The following QRSL1 variants were observed in gnomAD, a reference collection of about 807,000 sequenced individuals.
The protein encoded by QRSL1 is glutamyl-tRNA(Gln) amidotransferase subunit A, mitochondrial.
QRSL1 carries 54 observed loss-of-function variants against 61.6 expected under a neutral mutation model. The observed-to-expected ratio is 0.88, with a 90% confidence interval of 0.70 to 1.10. The LOEUF is 1.10. Among genes scored for constraint, QRSL1 ranks in the 50% least tolerant of loss-of-function variants. The probability of loss-of-function intolerance (pLI) is 0.00; values close to 1 mark genes in which losing one functional copy is unlikely to be tolerated. For synonymous variants in QRSL1, 228 were observed against 225.7 expected (o/e 1.01, Z -0.09); for missense variants, 505 against 622.6 (o/e 0.81, Z 2.01).
chr6:106,657,260 C>T (rs1178270109), intron 9 of QRSL1, among the ~76,000 whole-genome samples: 1 of 150,076 alleles, frequency 6.7e-6, no homozygotes, highest in Non-Finnish European at 1.5e-5. Context: ...CAGAGTGAAA[C>T]TCCATCTCAA....
chr6:106,663,594 C>T (rs1777392577), intron 10 of QRSL1, among the ~76,000 whole-genome samples: 2 of 152,284 alleles, frequency 1.3e-5, no homozygotes, highest in South Asian at 4.1e-4. Flanking sequence ...ATAACTCACT[C>T]ACTATCACGA....
intron 3 of QRSL1, chr6:106,642,371 C>T (rs1473702978): frequency 9.9e-6 from 4 of 403,126 alleles, no homozygotes; most frequent in Non-Finnish European, 1.8e-5. Context: ...TTGTTTCTTA[C>T]ATATGATTTA....
intron 3 of QRSL1, chr6:106,642,622 C>T (rs988354011): frequency 3.9e-6 from 3 of 772,898 alleles, no homozygotes; most frequent in Non-Finnish European, 7.0e-6. Context: ...ACAAGTGTTA[C>T]CATGGCAAAA....
At position 106,663,185 on chromosome 6, in the gene QRSL1, G is replaced by A. The variant is rs1228275525; in HGVS notation, c.1366G>A (p.Gly456Arg). 3 of 1,613,108 alleles carry A rather than the reference G, an allele frequency of 1.9e-6. No individual in the cohort carries two copies. The highest frequency in any genetic ancestry group is 2.7e-5 in the African/African-American group (2 of 74,906). ...TTTTACACAAGCTGTAAATATGGCAGGTGAGGATTCCTCAGGAACATTCTG... is the reference window on the plus strand; with the variant it reads ...TTTTACACAAGCTGTAAATATGGCAAGTGAGGATTCCTCAGGAACATTCTG... ...DIFTQAVNMAGLPAVSIPVAL... is the reference protein window; with the variant it reads ...DIFTQAVNMARLPAVSIPVAL... Residue 456 changes from glycine to arginine, a missense_variant and splice_region_variant, in exon 10 of 11, where the codon GGA becomes AGA. By Grantham distance (125) the Gly-to-Arg change is moderately radical. Coordinates refer to ENST00000369046, the MANE Select transcript of QRSL1 (RefSeq NM_018292.5).
intron 4 of QRSL1, among the ~76,000 whole-genome samples, chr6:106,648,174 T>C (rs960560674): frequency 6.6e-6 from 1 of 151,652 alleles, no homozygotes; most frequent in Non-Finnish European, 1.5e-5. Flanking sequence ...CACGCACCTG[T>C]AGTCCCAGCT....
Position 106,654,811 on chromosome 6 carries a change from A to G in QRSL1, c.931A>G (p.Lys311Glu). ...TGACCTCTTTGAGTCTGAGGGGGCCAAAGTAATTGAAGTATCCCTTCCTCA... is the reference window on the plus strand; with the variant it reads ...TGACCTCTTTGAGTCTGAGGGGGCCGAAGTAATTGAAGTATCCCTTCCTCA... ...AADLFESEGA[K>E]VIEVSLPHTS... is the part of the protein sequence containing the mutation. The change falls in exon 8 of 11, where the codon AAA (lysine) becomes GAA (glutamate). Residue 311 changes from lysine (K) to glutamate (E), a missense_variant. Physicochemically the swap from Lys to Glu is moderately conservative, Grantham distance 56. Coordinates refer to ENST00000369046, the MANE Select transcript of QRSL1 (RefSeq NM_018292.5). The G allele has an allele frequency of 6.2e-7, 1 of 1,613,864 alleles. No individual in the cohort carries two copies. Among genetic ancestry groups the G allele is most frequent in the Non-Finnish European group, 8.5e-7 (1 of 1,179,782 alleles).
At position 106,640,376 on chromosome 6, in the gene QRSL1, A is replaced by G. The variant is rs1473991224; in HGVS notation, c.52A>G (p.Ile18Val). ...TTCTGCGGCACTGAAACAAGGCCAAATTACACCAACAGAGCTCTGTCAAAA... is the reference window on the plus strand; with the variant it reads ...TTCTGCGGCACTGAAACAAGGCCAAGTTACACCAACAGAGCTCTGTCAAAA... Reference protein sequence around the residue: ...EVSAALKQGQITPTELCQKCL... With the variant: ...EVSAALKQGQVTPTELCQKCL... The change falls in exon 2 of 11, where the codon ATT becomes GTT. Residue 18 changes from isoleucine to valine, a missense_variant. Ile to Val is a conservative substitution (Grantham distance 29). Transcript: ENST00000369046. 1 of 1,613,584 alleles carries G rather than the reference A, an allele frequency of 6.2e-7. No individual in the cohort carries two copies. Among genetic ancestry groups the G allele is most frequent in the Non-Finnish European group, 8.5e-7 (1 of 1,179,586 alleles).
intron 1 of QRSL1, among the ~76,000 whole-genome samples, chr6:106,633,188 C>T (rs532214595): frequency 6.6e-6 from 1 of 152,282 alleles, no homozygotes; most frequent in East Asian, 1.9e-4. Context: ...TGATTAATGC[C>T]TAGCATGCAA....
chr6:106,653,477 C>T (rs1777216614), intron 7 of QRSL1: 1 of 152,080 alleles, frequency 6.6e-6, no homozygotes, highest in Non-Finnish European at 1.5e-5. Context: ...AAAAGTAACC[C>T]CCAGGTAAGA....
At chr6:106,662,373 G>A (rs570971915) in intron 9 of QRSL1, among the ~76,000 whole-genome samples, 159 of 152,110 alleles carry the variant, frequency 1.0e-3, no homozygotes, top group African/African-American at 3.8e-3. Flanking sequence ...TTCTGAATTC[G>A]GATTGATTAA....
chr6:106,651,493 A>G (rs966667803), intron 5 of QRSL1, among the ~76,000 whole-genome samples: 1 of 152,210 alleles, frequency 6.6e-6, no homozygotes, highest in African/African-American at 2.4e-5. Flanking sequence ...GACAGCATAT[A>G]TCAGAAACTT....
In QRSL1 at chr6:106,640,361, C is replaced by A; in HGVS notation, c.37C>A (p.Leu13Met). 6.2e-7 allele frequency: 1 copy of A among 1,612,576 alleles called. No individual in the cohort carries two copies. The highest frequency in any genetic ancestry group is 8.5e-7 in the Non-Finnish European group (1 of 1,179,218). ...GRSLREVSAA[L>M]KQGQITPTEL... The stretch of plus-strand genomic sequence containing the variant: ...GTATACACTATAGGTTTCTGCGGCA[C>A]TGAAACAAGGCCAAATTACACCAAC... The change falls in exon 2 of 11, where the codon CTG (leucine) becomes ATG (methionine). Residue 13 changes from leucine (L) to methionine (M), a missense_variant. Transcript: ENST00000369046.
intron 9 of QRSL1, among the ~76,000 whole-genome samples, chr6:106,660,620 T>A (rs1182029199): frequency 1.3e-5 from 2 of 151,882 alleles, no homozygotes; most frequent in East Asian, 3.9e-4. Context: ...TTTTTTTTAA[T>A]CCCCTATTCT....
intron 9 of QRSL1, among the ~76,000 whole-genome samples, chr6:106,661,591 G>A (rs186702828): frequency 9.4e-4 from 137 of 146,014 alleles, no homozygotes; most frequent in Middle Eastern, 3.6e-3. Context: ...CATATTTCAC[G>A]TTTTTATCGT....
intron 4 of QRSL1, among the ~76,000 whole-genome samples, chr6:106,643,404 C>A (rs1159651356): frequency 1.3e-5 from 2 of 152,054 alleles, no homozygotes; most frequent in Admixed American, 6.6e-5. Context: ...TTGTAAGAAT[C>A]CTTTCTGGCT....
intron 9 of QRSL1, 26 bp from the exon 10 acceptor site, chr6:106,662,954 A>G (rs765648901): frequency 6.5e-7 from 1 of 1,540,390 alleles, no homozygotes; most frequent in East Asian, 2.2e-5. Flanking sequence ...AAATCCTTAA[A>G]AACATCACCT....
At chr6:106,633,968 T>G (rs1198732373) in intron 1 of QRSL1, among the ~76,000 whole-genome samples, 1 of 150,724 alleles carries the variant, frequency 6.6e-6, no homozygotes, top group Non-Finnish European at 1.5e-5. Context: ...AAAAAGTAAA[T>G]GATATAATTT....
In QRSL1 at chr6:106,648,278, G is replaced by A. The variant is rs1239346961; in HGVS notation, c.381-747G>A. Reference sequence around the variant, plus strand: ...GCCACTGCACTCCAGACTGCCAGTAGAGCGAGACTCGTCTCAAAAAAGAAA... The same window carrying A: ...GCCACTGCACTCCAGACTGCCAGTAAAGCGAGACTCGTCTCAAAAAAGAAA... On this transcript the variant is annotated intron_variant, in intron 4 of 10. Transcript: ENST00000369046. Among the ~76,000 whole-genome samples the A allele has an allele frequency of 2.0e-5, 3 of 151,828 alleles. No homozygotes were observed. The East Asian group carries it at 5.9e-4, about 30-fold the overall frequency.
At chr6:106,636,565 C>T (rs960296236) in intron 1 of QRSL1, among the ~76,000 whole-genome samples, 3 of 152,070 alleles carry the variant, frequency 2.0e-5, no homozygotes, top group Non-Finnish European at 2.9e-5. Flanking sequence ...GTAATCTGCC[C>T]GCCTTGGCCT....
Sources: allele counts gnomAD v4.1 joint callset (sites outside exome capture counted in the v4.1 genomes callset), GRCh38; gene constraint gnomAD v4.1.1; transcripts MANE v1.5; gene names NCBI Gene and HGNC (gene_info 2026-07-23, HGNC 2026-07-21).